SORCS2: variants seen among roughly 807,000 people sequenced by gnomAD.
The protein encoded by SORCS2 is sortilin related VPS10 domain containing receptor 2.
In SORCS2, 100 loss-of-function variants were observed where a neutral mutation model predicts 141.6. The ratio of observed to expected loss-of-function variants is 0.71; its 90% CI spans 0.60 to 0.83. The LOEUF is 0.83. Ranked by LOEUF, SORCS2 falls within the 40% of genes least tolerant of loss-of-function variation. The probability of loss-of-function intolerance (pLI) is 0.00; values close to 1 mark genes in which losing one functional copy is unlikely to be tolerated. For missense variants in SORCS2, 1,646 were observed against 1,560.2 expected (o/e 1.05, Z -0.93); for synonymous variants, 789 against 676.9 (o/e 1.17, Z -2.57).
chr4:7,657,317 A>G (rs912253610), intron 5 of SORCS2, among the ~76,000 whole-genome samples: 1 of 152,280 alleles, frequency 6.6e-6, no homozygotes, highest in Non-Finnish European at 1.5e-5. Flanking sequence ...GAATGAGTGA[A>G]TAAATGAGTG....
At chr4:7,662,983 T>C (rs561894383) in intron 6 of SORCS2, among the ~76,000 whole-genome samples, 1 of 151,952 alleles carries the variant, frequency 6.6e-6, no homozygotes, top group East Asian at 1.9e-4. Context: ...AGTGAGTGAG[T>C]GAGTGAGTGA....
intron 3 of SORCS2, among the ~76,000 whole-genome samples, chr4:7,568,763 AC>A (rs1715188573): frequency 6.6e-6 from 1 of 152,234 alleles, no homozygotes; most frequent in Admixed American, 6.5e-5. Context: ...CAGTTTGGGA[AC>A]CATAGTGCTA....
At chr4:7,610,943 T>C (rs1181441378) in intron 3 of SORCS2, among the ~76,000 whole-genome samples, 1 of 152,124 alleles carries the variant, frequency 6.6e-6, no homozygotes, top group Non-Finnish European at 1.5e-5. Context: ...AGTCATTTAG[T>C]TACTGGCCAT....
chr4:7,682,059 T>C (rs1181567297), intron 9 of SORCS2, among the ~76,000 whole-genome samples: 3 of 152,098 alleles, frequency 2.0e-5, no homozygotes, highest in African/African-American at 7.2e-5. Context: ...AACCACTCGG[T>C]TGAACTATGT....
intron 11 of SORCS2, among the ~76,000 whole-genome samples, chr4:7,691,448 G>T (rs575406312): frequency 2.2e-4 from 34 of 152,168 alleles, no homozygotes; most frequent in Non-Finnish European, 4.6e-4. Flanking sequence ...GCAGGGCTGG[G>T]TCTGACGGCA....
chr4:7,429,988 A>G (rs757264219), intron 2 of SORCS2, among the ~76,000 whole-genome samples: 17 of 152,148 alleles, frequency 1.1e-4, no homozygotes, highest in Non-Finnish European at 1.0e-4. Flanking sequence ...TCCGGTGCAC[A>G]GGGGCCACTG....
At chr4:7,587,393 AC>A (rs1716606025) in intron 3 of SORCS2, among the ~76,000 whole-genome samples, 1 of 152,098 alleles carries the variant, frequency 6.6e-6, no homozygotes, top group South Asian at 2.1e-4. Flanking sequence ...GTTTTCATTG[AC>A]CCTCACACAC....
At chr4:7,382,825 C>T (rs755257232) in intron 1 of SORCS2, among the ~76,000 whole-genome samples, 4 of 152,046 alleles carry the variant, frequency 2.6e-5, no homozygotes, top group Admixed American at 6.5e-5. Flanking sequence ...TAAACAGCTG[C>T]GGGGCCCACG....
At chr4:7,681,879 A>T (rs1008075971) in intron 9 of SORCS2, among the ~76,000 whole-genome samples, 1 of 152,236 alleles carries the variant, frequency 6.6e-6, no homozygotes, top group East Asian at 1.9e-4. Flanking sequence ...CCCATGGTGC[A>T]TGCTGCATAT....
At chr4:7,523,094 C>T (rs1270155362) in intron 2 of SORCS2, among the ~76,000 whole-genome samples, 1 of 150,314 alleles carries the variant, frequency 6.7e-6, no homozygotes, top group Admixed American at 6.6e-5. Context: ...CATTTCCCTC[C>T]TCCCTCTGCC....
At chr4:7,360,421 C>T (rs1022325432) in intron 1 of SORCS2, among the ~76,000 whole-genome samples, 1 of 151,912 alleles carries the variant, frequency 6.6e-6, no homozygotes, top group African/African-American at 2.4e-5. Context: ...TCCTACCTCC[C>T]ATGACCGGAG....
chr4:7,724,702 A>ATGG (rs1379125192), intron 19 of SORCS2, among the ~76,000 whole-genome samples: 2 of 83,978 alleles, frequency 2.4e-5, no homozygotes, highest in African/African-American at 5.6e-5. Context: ...GGTGTTGGTG[A>ATGG]TGGTGGTGAT....
chr4:7,545,640 A>T (rs958909020), intron 3 of SORCS2, among the ~76,000 whole-genome samples: 1 of 151,696 alleles, frequency 6.6e-6, no homozygotes, highest in Non-Finnish European at 1.5e-5. Flanking sequence ...TGGACCCACG[A>T]CTCTCTGAGA....
rs1009720639 is a variant in SORCS2, at chr4:7,712,777, A to G, written c.1913A>G (p.Lys638Arg). Residue 638 changes from lysine (K) to arginine (R), a missense_variant, in exon 15 of 27, where the codon AAG becomes AGG. By Grantham distance (26) the Lys-to-Arg change is conservative. Coordinates refer to ENST00000507866, the MANE Select transcript of SORCS2 (RefSeq NM_020777.3). ...ISFRSDWELV[K>R]VDFRPSFSRQ... is the part of the protein sequence containing the mutation. ...TTCCGCTCCGATTGGGAGCTGGTCA[A>G]GGTGGACTTCCGGCCCTCATTCTCC... 1 of 1,613,892 alleles carries G rather than the reference A, an allele frequency of 6.2e-7. No homozygotes were observed. The highest frequency in any genetic ancestry group is 1.1e-5 in the South Asian group (1 of 91,080).
chr4:7,710,636 T>C (rs1262169373), intron 14 of SORCS2, among the ~76,000 whole-genome samples: 1 of 152,128 alleles, frequency 6.6e-6, no homozygotes, highest in Non-Finnish European at 1.5e-5. Context: ...GTTGAGGCCG[T>C]CCAAGTGGGG....
intron 2 of SORCS2, among the ~76,000 whole-genome samples, chr4:7,485,242 C>T (rs747517096): frequency 6.6e-6 from 1 of 152,244 alleles, no homozygotes. Flanking sequence ...AGCCAGCATG[C>T]CCCTCCCATC....
intron 2 of SORCS2, among the ~76,000 whole-genome samples, chr4:7,483,604 G>A (rs1308445802): frequency 6.6e-6 from 1 of 152,042 alleles, no homozygotes; most frequent in African/African-American, 2.4e-5. Context: ...CCTGAGGGAC[G>A]GAAAAAAGCA....
At chr4:7,470,636 G>A (rs1402350360) in intron 2 of SORCS2, among the ~76,000 whole-genome samples, 1 of 152,196 alleles carries the variant, frequency 6.6e-6, no homozygotes, top group Non-Finnish European at 1.5e-5. Context: ...GGCGAGGATT[G>A]GAGAGACACA....
chr4:7,266,253 T>A (rs909840768), intron 1 of SORCS2, among the ~76,000 whole-genome samples: 6 of 152,288 alleles, frequency 3.9e-5, no homozygotes, highest in South Asian at 2.1e-4. Context: ...GGGCACAGCT[T>A]GGTGGAACAA....
Sources: gnomAD v4.1 joint callset for allele counts (sites outside exome capture counted in the v4.1 genomes callset) on GRCh38, gnomAD v4.1.1 for gene constraint, MANE v1.5 for transcripts, NCBI Gene and HGNC (gene_info 2026-07-23, HGNC 2026-07-21) for gene names.